Variants in AGBL1 observed in about 807,000 individuals in gnomAD.
The protein encoded by AGBL1 is cytosolic carboxypeptidase 4.
Under a neutral mutation model 118.9 loss-of-function variants are expected in AGBL1, and 130 were observed. The observed-to-expected ratio is 1.09, with a 90% CI of 0.95 to 1.26. The LOEUF (loss-of-function observed/expected upper bound fraction) is 1.26. AGBL1 is among the 50% of genes most tolerant of loss of function. The pLI is 0.00. For missense variants in AGBL1, 1,584 were observed against 1,298.1 expected, an observed-to-expected ratio of 1.22 and a Z score of -3.38; for synonymous variants, 555 against 478.9, an observed-to-expected ratio of 1.16 and a Z score of -2.08.
At chr15:86,106,460 A>T (rs1897056457) in intron 1 of AGBL1, among the ~76,000 whole-genome samples, 1 of 152,150 alleles carries the variant, frequency 6.6e-6, no homozygotes, top group Non-Finnish European at 1.5e-5. Flanking sequence ...TGTTCTTTTC[A>T]CTCAATTCCA....
chr15:86,451,765 T>C (rs2082196550), intron 18 of AGBL1, among the ~76,000 whole-genome samples: 1 of 152,126 alleles, frequency 6.6e-6, no homozygotes, highest in Non-Finnish European at 1.5e-5. Context: ...GCCACTGTTC[T>C]AATGTGCTTT....
chr15:86,479,620 A>G (rs1170906497), intron 18 of AGBL1, among the ~76,000 whole-genome samples: 2 of 152,228 alleles, frequency 1.3e-5, no homozygotes, highest in African/African-American at 4.8e-5. Flanking sequence ...GAACACTTTT[A>G]CCCTGTTTTA....
At chr15:86,504,184 T>C (rs535546091) in intron 18 of AGBL1, among the ~76,000 whole-genome samples, 1 of 151,854 alleles carries the variant, frequency 6.6e-6, no homozygotes, top group Admixed American at 6.6e-5. Flanking sequence ...CTTTGTTTCT[T>C]GTAACTGTTT....
intron 22 of AGBL1, among the ~76,000 whole-genome samples, chr15:86,877,107 A>G (rs1469064386): frequency 1.3e-5 from 2 of 152,146 alleles, no homozygotes; most frequent in Admixed American, 6.5e-5. Flanking sequence ...ATATGGGTCA[A>G]TTATCAAATT....
At chr15:86,196,740 A>G (rs1223472442) in intron 5 of AGBL1, among the ~76,000 whole-genome samples, 1 of 152,158 alleles carries the variant, frequency 6.6e-6, no homozygotes, top group Non-Finnish European at 1.5e-5. Context: ...TGGGGTCTTT[A>G]GGAGTAAAGT....
intron 22 of AGBL1, among the ~76,000 whole-genome samples, chr15:86,772,454 A>G (rs1189509278): frequency 2.6e-5 from 4 of 152,068 alleles, no homozygotes; most frequent in South Asian, 4.1e-4. Context: ...AGAAATTTCA[A>G]TTAGGCAGCT....
intron 18 of AGBL1, among the ~76,000 whole-genome samples, chr15:86,476,261 C>G (rs968658819): frequency 5.3e-5 from 8 of 152,116 alleles, no homozygotes; most frequent in Admixed American, 3.3e-4. Flanking sequence ...GGGCTAAATG[C>G]TCCAATTAAA....
rs368406273 is a variant in AGBL1, at chr15:86,930,712, A to G, written c.3222-57275A>G. ...AGAAAATACTCAGAATAATTCAACAATTATTTTCAAAGTGAGATAGATCAG... is the reference window on the plus strand; with the variant it reads ...AGAAAATACTCAGAATAATTCAACAGTTATTTTCAAAGTGAGATAGATCAG... On this transcript the variant is annotated intron_variant, in intron 23 of 24. Coordinates refer to the AGBL1 transcript ENST00000441037. Among the ~76,000 whole-genome samples, 28 of 152,294 alleles carry G rather than the reference A, an allele frequency of 1.8e-4. No individual in the cohort carries two copies. In the South Asian group the frequency reaches 2.9e-3, roughly 16 times the overall value.
In AGBL1 at chr15:86,581,632, G is replaced by A. The variant is rs115699972; in HGVS notation, c.2994+27095G>A. Among the ~76,000 whole-genome samples the A allele has an allele frequency of 6.0e-3, 916 of 151,992 alleles. 6 individuals carry two copies. Among genetic ancestry groups the A allele is most frequent in the African/African-American group, 0.021 (861 of 41,444 alleles). ...CAATTTGTGTGTCATAACACTCCTC[G>A]GGCACTCTTCAGTCACCCATGAATG... On this transcript the variant is annotated intron_variant, in intron 21 of 22. Transcript: ENST00000614907.
chr15:86,972,922 G>C (rs2081125045), intron 23 of AGBL1, among the ~76,000 whole-genome samples: 1 of 151,904 alleles, frequency 6.6e-6, no homozygotes, highest in South Asian at 2.1e-4. Flanking sequence ...CAAATTTCTG[G>C]AGTAGCCATC....
intron 21 of AGBL1, among the ~76,000 whole-genome samples, chr15:86,629,613 C>T (rs1203437031): frequency 6.6e-6 from 1 of 152,174 alleles, no homozygotes; most frequent in Non-Finnish European, 1.5e-5. Flanking sequence ...AGCTAGATAA[C>T]CATCAGCTTC....
intron 21 of AGBL1, among the ~76,000 whole-genome samples, chr15:86,629,434 T>G (rs2084933235): frequency 6.6e-6 from 1 of 152,188 alleles, no homozygotes; most frequent in Admixed American, 6.5e-5. Flanking sequence ...TCAGTTTGTC[T>G]GTGTGAACAG....
chr15:86,828,016 T>C (rs557151385), intron 22 of AGBL1, among the ~76,000 whole-genome samples: 1 of 142,138 alleles, frequency 7.0e-6, no homozygotes, highest in South Asian at 2.4e-4. Context: ...TCATAGTCAC[T>C]GCAACCTTAA....
chr15:86,674,471 C>A (rs114044818), intron 22 of AGBL1, 35 bp downstream of exon 22: 1 of 1,580,738 alleles, frequency 6.3e-7, no homozygotes, highest in Admixed American at 1.7e-5. Context: ...GAAATTTGGA[C>A]CTTGGTGGTT....
chr15:86,936,987 G>A (rs575992124), intron 23 of AGBL1, among the ~76,000 whole-genome samples: 66 of 152,246 alleles, frequency 4.3e-4, no homozygotes, highest in African/African-American at 1.5e-3. Context: ...TAAAAAGTGG[G>A]CAAAGGACAT....
chr15:86,138,046 G>T (rs570592144), intron 1 of AGBL1, among the ~76,000 whole-genome samples: 5 of 152,286 alleles, frequency 3.3e-5, no homozygotes, highest in African/African-American at 1.2e-4. Flanking sequence ...CTTAGCTTGA[G>T]AAATTAATAA....
intron 17 of AGBL1, among the ~76,000 whole-genome samples, chr15:86,332,459 A>C (rs907861676): frequency 2.6e-5 from 4 of 152,076 alleles, no homozygotes; most frequent in African/African-American, 9.7e-5. Context: ...ATCCTGGCTA[A>C]CATGGTGAAA....
intron 1 of AGBL1, among the ~76,000 whole-genome samples, chr15:86,130,509 T>C (rs1302037931): frequency 6.6e-6 from 1 of 152,156 alleles, no homozygotes; most frequent in African/African-American, 2.4e-5. Context: ...AAAATCATTA[T>C]GGAAAAATTA....
intron 21 of AGBL1, among the ~76,000 whole-genome samples, chr15:86,661,902 C>G (rs551630073): frequency 6.6e-6 from 1 of 152,150 alleles, no homozygotes; most frequent in Admixed American, 6.6e-5. Context: ...CTATTCTCTG[C>G]TCTAAGATCT....
Sources: gnomAD v4.1 joint callset for allele counts (sites outside exome capture counted in the v4.1 genomes callset) on GRCh38, gnomAD v4.1.1 for gene constraint, MANE v1.5 for transcripts, NCBI Gene and HGNC (gene_info 2026-07-23, HGNC 2026-07-21) for gene names.